SDK1: variants seen among roughly 807,000 people sequenced by gnomAD.
SDK1 encodes the protein sidekick cell adhesion molecule 1.
A neutral mutation model predicts 245.5 loss-of-function variants in SDK1; 157 were observed. That is an observed-to-expected ratio of 0.64 (90% CI 0.56 to 0.73). SDK1 has a LOEUF of 0.73. SDK1 is among the 30% of genes least tolerant of loss of function. The pLI is 0.00. For synonymous variants in SDK1, 1,647 were observed against 1,278.5 expected (o/e 1.29, Z -6.15); for missense variants, 3,583 against 3,002.3 (o/e 1.19, Z -4.52).
intron 27 of SDK1, among the ~76,000 whole-genome samples, chr7:4,131,376 C>T (rs756326598): frequency 6.6e-6 from 1 of 152,178 alleles, no homozygotes; most frequent in African/African-American, 2.4e-5. Flanking sequence ...TCAGCGTTTG[C>T]GTATCTGTGA....
intron 14 of SDK1, among the ~76,000 whole-genome samples, chr7:3,993,807 C>A (rs535115489): frequency 6.6e-6 from 1 of 152,232 alleles, no homozygotes; most frequent in South Asian, 2.1e-4. Context: ...TAATTACCTG[C>A]ACCTCCTCAC....
At chr7:3,462,385 T>C (rs969167183) in intron 1 of SDK1, among the ~76,000 whole-genome samples, 1 of 152,210 alleles carries the variant, frequency 6.6e-6, no homozygotes, top group Non-Finnish European at 1.5e-5. Flanking sequence ...CTACCTATTA[T>C]TGAATGTTAG....
intron 1 of SDK1, among the ~76,000 whole-genome samples, chr7:3,345,880 G>A (rs975845367): frequency 8.5e-5 from 13 of 152,158 alleles, no homozygotes; most frequent in African/African-American, 1.2e-4. Flanking sequence ...TTGGGCTGCC[G>A]TGACATTGGT....
chr7:4,176,091 T>A (rs1782191605), intron 34 of SDK1, among the ~76,000 whole-genome samples: 1 of 151,926 alleles, frequency 6.6e-6, no homozygotes, highest in Admixed American at 6.6e-5. Context: ...TAGAACAAGA[T>A]CTCTGATCTC....
At chr7:3,780,145 A>G (rs1583406262) in intron 4 of SDK1, among the ~76,000 whole-genome samples, 1 of 152,326 alleles carries the variant, frequency 6.6e-6, no homozygotes, top group African/African-American at 2.4e-5. Flanking sequence ...TGAAATCTGA[A>G]TTAGGAGAGT....
At chr7:3,663,381 T>G (rs1301621299) in intron 4 of SDK1, among the ~76,000 whole-genome samples, 1 of 152,208 alleles carries the variant, frequency 6.6e-6, no homozygotes, top group African/African-American at 2.4e-5. Context: ...TTCTGGTGTT[T>G]TTAACTAAAT....
At chr7:3,834,169 C>G (rs1449540985) in intron 5 of SDK1, among the ~76,000 whole-genome samples, 2 of 152,212 alleles carry the variant, frequency 1.3e-5, no homozygotes, top group African/African-American at 4.8e-5. Context: ...TGTCTCACTT[C>G]TGTCCCTAAG....
intron 32 of SDK1, among the ~76,000 whole-genome samples, chr7:4,173,240 G>A (rs1781965850): frequency 6.6e-6 from 1 of 152,194 alleles, no homozygotes; most frequent in Non-Finnish European, 1.5e-5. Context: ...ATCCCAAGAA[G>A]AGACCAGATG....
At chr7:3,345,574 C>T (rs1334578288) in intron 1 of SDK1, among the ~76,000 whole-genome samples, 1 of 151,358 alleles carries the variant, frequency 6.6e-6, no homozygotes, top group Non-Finnish European at 1.5e-5. Context: ...TCTTTTTTTC[C>T]AGGAAATTAT....
intron 1 of SDK1, among the ~76,000 whole-genome samples, chr7:3,327,275 A>G (rs188984450): frequency 6.6e-6 from 1 of 152,292 alleles, no homozygotes; most frequent in East Asian, 1.9e-4. Context: ...TTGAGGGAAG[A>G]GGCTGATGAA....
At chr7:3,671,830 A>G (rs753175901) in intron 4 of SDK1, among the ~76,000 whole-genome samples, 15 of 152,168 alleles carry the variant, frequency 9.9e-5, no homozygotes, top group Non-Finnish European at 1.9e-4. Flanking sequence ...CTTTGAAACC[A>G]TTTTATAGTT....
At chr7:4,119,519 A>T (rs1389852090) in intron 25 of SDK1, among the ~76,000 whole-genome samples, 1 of 148,602 alleles carries the variant, frequency 6.7e-6, no homozygotes, top group African/African-American at 2.5e-5. Context: ...GGCCCAGAAA[A>T]TCTGTGTGTA....
intron 1 of SDK1, among the ~76,000 whole-genome samples, chr7:3,580,994 ACC>A (rs60180067): frequency 0.21 from 22,564 of 106,096 alleles, 4,365 homozygotes; most frequent in South Asian, 0.32. Flanking sequence ...AAAAAAAAAA[ACC>A]AAAACAAAAC....
intron 5 of SDK1, among the ~76,000 whole-genome samples, chr7:3,882,507 C>T (rs1391716153): frequency 6.6e-6 from 1 of 152,202 alleles, no homozygotes; most frequent in Admixed American, 6.5e-5. Context: ...TGTGTTTGGA[C>T]TCAGTAAATA....
chr7:3,630,596 A>G (rs958279737), intron 2 of SDK1, among the ~76,000 whole-genome samples: 1 of 152,134 alleles, frequency 6.6e-6, no homozygotes, highest in Non-Finnish European at 1.5e-5. Context: ...AGATTGTGCC[A>G]TTGCCCTCCA....
intron 1 of SDK1, among the ~76,000 whole-genome samples, chr7:3,453,133 C>G (rs73294808): frequency 6.6e-6 from 1 of 151,950 alleles, no homozygotes; most frequent in Non-Finnish European, 1.5e-5. Flanking sequence ...CAGTTTAACC[C>G]CCCCCGGTTT....
At chr7:4,058,030 A>G (rs533506817) in intron 19 of SDK1, among the ~76,000 whole-genome samples, 1 of 152,212 alleles carries the variant, frequency 6.6e-6, no homozygotes, top group African/African-American at 2.4e-5. Flanking sequence ...CCAAAGGAAC[A>G]TGGTAATTCT....
chr7:4,192,608 GT>G lies in SDK1; in HGVS notation c.5099-13265del, dbSNP rs1043237795. On this transcript the variant is annotated intron_variant, in intron 35 of 44. Coordinates refer to ENST00000404826, the MANE Select transcript of SDK1 (RefSeq NM_152744.4). ...ATATTCTAATTGAAGTATGTTCCGT[GT>G]TTTTTCAGAGAATGCTTTGCACATT... Among the ~76,000 whole-genome samples, 11 of 152,220 alleles carry G rather than the reference GT, an allele frequency of 7.2e-5. No individual in the cohort carries two copies. In the South Asian group the frequency reaches 1.2e-3, roughly 17 times the overall value.
chr7:4,246,057 G>A (rs915095123), intron 44 of SDK1, among the ~76,000 whole-genome samples: 10 of 152,174 alleles, frequency 6.6e-5, no homozygotes, highest in African/African-American at 2.4e-4. Flanking sequence ...GGAGGAGCAG[G>A]TTGTGACTCC....
Sources: gnomAD v4.1 joint callset for allele counts (sites outside exome capture counted in the v4.1 genomes callset) on GRCh38, gnomAD v4.1.1 for gene constraint, MANE v1.5 for transcripts, NCBI Gene and HGNC (gene_info 2026-07-23, HGNC 2026-07-21) for gene names.